Variants in TRIM59 observed in about 807,000 individuals in gnomAD.
TRIM59 encodes tripartite motif-containing protein 59.
A neutral mutation model predicts 32.2 loss-of-function variants in TRIM59; 14 were observed. The observed-to-expected ratio is 0.43, with a 90% confidence interval of 0.29 to 0.68. The LOEUF (loss-of-function observed/expected upper bound fraction) is 0.68, where lower values mean the gene tolerates loss of function less well. Ranked by LOEUF, TRIM59 falls within the 30% of genes least tolerant of loss-of-function variation. TRIM59 has a pLI of 0.15. For missense variants in TRIM59, 471 were observed against 463.3 expected (o/e 1.02, Z -0.15); for synonymous variants, 163 against 155.1 (o/e 1.05, Z -0.38).
In TRIM59 at chr3:160,438,572, T is replaced by C; in HGVS notation, c.612A>G (p.Leu204=). The C allele has an allele frequency of 6.2e-7, 1 of 1,611,524 alleles. No individual in the cohort carries two copies. The highest frequency in any genetic ancestry group is 8.5e-7 in the Non-Finnish European group (1 of 1,179,442). Residue 204 remains leucine (L), a synonymous_variant, in exon 3 of 3, where the codon CTA becomes CTG. Transcript: ENST00000309784. The stretch of plus-strand genomic sequence containing the variant: ...GATTGCCAACATCACAGAGAGCCGT[T>C]AGGAAACTTTTTTTTTTCTGTTCTA... The part of the protein sequence containing the change: ...DTLEQKKKSF[L]TALCDVGNLI...
intron 2 of TRIM59, among the ~76,000 whole-genome samples, chr3:160,444,555 A>G (rs1362954511): frequency 6.6e-6 from 1 of 152,116 alleles, no homozygotes; most frequent in Non-Finnish European, 1.5e-5. Flanking sequence ...CTTTGCTGCT[A>G]CTCCCTGCAC....
intron 1 of TRIM59, among the ~76,000 whole-genome samples, chr3:160,449,262 G>GCTT: frequency 6.6e-6 from 1 of 152,214 alleles, no homozygotes; most frequent in East Asian, 1.9e-4. Context: ...CAAAAGTGAG[G>GCTT]CTTCACATCT....
chr3:160,447,559 A>G (rs1333867821), intron 2 of TRIM59, among the ~76,000 whole-genome samples: 1 of 152,242 alleles, frequency 6.6e-6, no homozygotes, highest in Non-Finnish European at 1.5e-5. Context: ...TAGGTAATAG[A>G]CAGTATAATA....
chr3:160,448,957 T>C (rs1466864993), intron 1 of TRIM59, 162 bp from the exon 2 acceptor site: 2 of 340,340 alleles, frequency 5.9e-6, no homozygotes, highest in Admixed American at 9.1e-5. Flanking sequence ...GCAGTAGAGG[T>C]ATCGCTTGTT....
At chr3:160,439,849 T>G (rs1009534513) in intron 2 of TRIM59, among the ~76,000 whole-genome samples, 2 of 152,170 alleles carry the variant, frequency 1.3e-5, no homozygotes, top group South Asian at 2.1e-4. Context: ...AGACTAAAAT[T>G]CAAAGTGTTC....
chr3:160,438,826 A>G lies in TRIM59; in HGVS notation c.358T>C (p.Cys120Arg). ...LLDKKLVCGH[C>R]LTIGQHHGHP... ...CCATGATGTTGACCTATGGTAAGGC[A>G]ATGACCACAAACTAATTTTTTATCT... The change falls in exon 3 of 3, where the codon TGC becomes CGC. Residue 120 changes from cysteine (C) to arginine (R), a missense_variant. Cys to Arg is a radical substitution (Grantham distance 180). Transcript: ENST00000309784. 1 of 1,614,034 alleles carries G rather than the reference A, an allele frequency of 6.2e-7. No individual in the cohort carries two copies. Among genetic ancestry groups the G allele is most frequent in the Non-Finnish European group, 8.5e-7 (1 of 1,179,976 alleles).
In TRIM59 at chr3:160,437,943, G is replaced by T; in HGVS notation, c.*29C>A. ...TTTTGTTTAGCAATGTACAGAATAA[G>T]CCCATTTAAACAATTCAGGTTGACA... On this transcript the variant is annotated 3_prime_UTR_variant, in exon 3 of 3. Coordinates refer to ENST00000309784, the MANE Select transcript of TRIM59 (RefSeq NM_173084.3). 1 of 1,520,498 alleles carries T rather than the reference G, an allele frequency of 6.6e-7. No individual in the cohort carries two copies. The highest frequency in any genetic ancestry group is 1.4e-5 in the South Asian group (1 of 72,394). The allele number at this position is 1,520,498 out of a possible 1,614,324, so 94.2% of individuals were successfully genotyped here.
intron 2 of TRIM59, 22 bp downstream of exon 2, chr3:160,448,704 T>C (rs1218056819): frequency 1.6e-6 from 2 of 1,240,510 alleles, no homozygotes; most frequent in South Asian, 2.5e-5. Context: ...TTCATATTTA[T>C]TTAATCTCCC....
At chr3:160,444,119 C>A (rs1016522465) in intron 2 of TRIM59, among the ~76,000 whole-genome samples, 1 of 151,348 alleles carries the variant, frequency 6.6e-6, no homozygotes, top group Non-Finnish European at 1.5e-5. Flanking sequence ...CTGATTTTAC[C>A]AAAGAGTAAC....
At chr3:160,439,431 G>A (rs527985199) in intron 2 of TRIM59, among the ~76,000 whole-genome samples, 1 of 152,236 alleles carries the variant, frequency 6.6e-6, no homozygotes, top group East Asian at 1.9e-4. Flanking sequence ...TCATTAATTT[G>A]TAGTAAAATG....
At chr3:160,442,274 C>G (rs996533038) in intron 2 of TRIM59, among the ~76,000 whole-genome samples, 5 of 152,090 alleles carry the variant, frequency 3.3e-5, no homozygotes, top group African/African-American at 9.7e-5. Context: ...CCCAAAAGCT[C>G]AACTTTCTTT....
Position 160,437,087 on chromosome 3 carries a change from A to AAC in TRIM59, c.*883_*884dup. On this transcript the variant is annotated 3_prime_UTR_variant, in exon 3 of 3. Transcript: ENST00000309784. ...GCTGGCCCCCAGGCACAGTGTGGCTAACGTCTGTAATCCCAGCACTTTGGG... is the reference window on the plus strand; with the variant it reads ...GCTGGCCCCCAGGCACAGTGTGGCTAACACGTCTGTAATCCCAGCACTTTGGG... The AAC allele has an allele frequency of 1.0e-6, 1 of 984,324 alleles. No homozygotes were observed. Among genetic ancestry groups the AAC allele is most frequent in the Non-Finnish European group, 1.2e-6 (1 of 828,930 alleles). 61.0% of individuals were successfully genotyped at this position (984,324 alleles called of 1,614,324 possible).
At chr3:160,447,013 G>A (rs891301164) in intron 2 of TRIM59, among the ~76,000 whole-genome samples, 2 of 151,638 alleles carry the variant, frequency 1.3e-5, no homozygotes, top group Non-Finnish European at 2.9e-5. Context: ...TTTCAGTTTG[G>A]GAAGATGAAA....
Position 160,435,771 on chromosome 3 carries a change from C to A in TRIM59, c.*2201G>T. On this transcript the variant is annotated 3_prime_UTR_variant, in exon 3 of 3. Coordinates refer to ENST00000309784, the MANE Select transcript of TRIM59 (RefSeq NM_173084.3). ...TTTAGCATTCTTACAGATTACAAAC[C>A]CTTACCAACATTAATCTTGGCCTAC... 2.4e-6 allele frequency: 1 copy of A among 421,166 alleles called. No individual in the cohort carries two copies. The highest frequency in any genetic ancestry group is 1.8e-5 in the South Asian group (1 of 55,510). The allele number at this position is 421,166 out of a possible 1,614,324, so 26.1% of individuals were successfully genotyped here.
At chr3:160,440,915 A>C (rs1039810239) in intron 2 of TRIM59, among the ~76,000 whole-genome samples, 2 of 152,220 alleles carry the variant, frequency 1.3e-5, no homozygotes, top group Non-Finnish European at 2.9e-5. Context: ...GTCTCAAAAA[A>C]AATAAACACC....
At chr3:160,447,901 C>T (rs1291513430) in intron 2 of TRIM59, 1 of 152,172 alleles carries the variant, frequency 6.6e-6, no homozygotes, top group African/African-American at 2.4e-5. Flanking sequence ...ATAACTACAA[C>T]TGCACCATTT....
chr3:160,443,011 C>A (rs998854886), intron 2 of TRIM59, among the ~76,000 whole-genome samples: 1 of 152,110 alleles, frequency 6.6e-6, no homozygotes, highest in Admixed American at 6.5e-5. Flanking sequence ...CCCAGCTACG[C>A]GGGGAGCTGA....
intron 2 of TRIM59, among the ~76,000 whole-genome samples, chr3:160,439,919 TA>T (rs1719155225): frequency 6.6e-6 from 1 of 152,206 alleles, no homozygotes; most frequent in African/African-American, 2.4e-5. Context: ...TTTAAGATGA[TA>T]AAATCAAAAC....
At chr3:160,446,795 G>A (rs1327731122) in intron 2 of TRIM59, among the ~76,000 whole-genome samples, 5 of 152,300 alleles carry the variant, frequency 3.3e-5, no homozygotes, top group South Asian at 4.1e-4. Flanking sequence ...TCATAACAGC[G>A]TGAACCCTAC....
Sources: gnomAD v4.1 joint callset for allele counts (sites outside exome capture counted in the v4.1 genomes callset) on GRCh38, gnomAD v4.1.1 for gene constraint, MANE v1.5 for transcripts, NCBI Gene and HGNC (gene_info 2026-07-23, HGNC 2026-07-21) for gene names.